EXD3: variants seen among roughly 807,000 people sequenced by gnomAD.
EXD3 encodes the protein exonuclease mut-7 homolog.
In EXD3, 92 loss-of-function variants were observed where a neutral mutation model predicts 98.0. The observed-to-expected ratio is 0.94, with a 90% CI of 0.79 to 1.12. The LOEUF is 1.12. Among genes scored for constraint, EXD3 ranks in the 50% most tolerant of loss-of-function variants. EXD3 has a pLI of 0.00. For synonymous variants in EXD3, 569 were observed against 526.0 expected, an observed-to-expected ratio of 1.08 and a Z score of -1.12; for missense variants, 1,222 against 1,191.6, an observed-to-expected ratio of 1.03 and a Z score of -0.38.
intron 2 of EXD3, among the ~76,000 whole-genome samples, chr9:137,391,327 CCCG>C (rs1172471561): frequency 3.9e-5 from 6 of 152,242 alleles, no homozygotes; most frequent in African/African-American, 1.4e-4. Context: ...TGCCGAGGAA[CCCG>C]TCTGGAGCGT....
Position 137,309,598 on chromosome 9 carries a change from C to A in EXD3, c.2278+9G>T. ...CCCCAGACCCAGTGCCTGACCCTGACACACTCACCTGAGCTCCTGGGCCCC... is the reference window on the plus strand; with the variant it reads ...CCCCAGACCCAGTGCCTGACCCTGAAACACTCACCTGAGCTCCTGGGCCCC... On this transcript the variant is annotated intron_variant, in intron 20 of 21. Transcript: ENST00000340951. 1.3e-6 allele frequency: 2 copies of A among 1,554,416 alleles called. 1 individual carries two copies. Among genetic ancestry groups the A allele is most frequent in the South Asian group, 2.4e-5 (2 of 84,314 alleles).
At position 137,353,841 on chromosome 9, in the gene EXD3, G is replaced by A. The variant is rs778939508; in HGVS notation, c.870+498C>T. The A allele has an allele frequency of 3.3e-4, 324 of 986,544 alleles. 1 individual carries two copies. The Middle Eastern group carries it at 5.2e-3, about 16-fold the overall frequency. 61.1% of individuals were successfully genotyped at this position (986,544 alleles called of 1,614,324 possible). A position where few individuals can be genotyped will look rare whatever the true frequency, so the allele number is the denominator to read the frequency against. Reference sequence around the variant, plus strand: ...GCCTCGAGGAGGGTCCGCCTGCCCCGCTGGCTTCAGGCCCAGCAGCCTGAG... The same window carrying A: ...GCCTCGAGGAGGGTCCGCCTGCCCCACTGGCTTCAGGCCCAGCAGCCTGAG... On this transcript the variant is annotated intron_variant, in intron 10 of 21. Coordinates refer to ENST00000340951, the MANE Select transcript of EXD3 (RefSeq NM_017820.5).
chr9:137,378,078 C>A (rs957250795), intron 3 of EXD3, among the ~76,000 whole-genome samples: 1 of 152,068 alleles, frequency 6.6e-6, no homozygotes, highest in Non-Finnish European at 1.5e-5. Context: ...CAGGCATGAG[C>A]CACTGCACTT....
intron 7 of EXD3, chr9:137,366,040 G>A: frequency 1.5e-6 from 1 of 653,654 alleles, no homozygotes; most frequent in Non-Finnish European, 2.8e-6. Context: ...GCACACACAT[G>A]CACACACATG....
intron 1 of EXD3, among the ~76,000 whole-genome samples, chr9:137,396,819 G>A (rs774449797): frequency 2.0e-5 from 3 of 152,196 alleles, no homozygotes; most frequent in Non-Finnish European, 4.4e-5. Flanking sequence ...CACTGCAAAC[G>A]ACGTAAAACT....
At chr9:137,406,308 G>GAAAAGA (rs376543864) in intron 1 of EXD3, among the ~76,000 whole-genome samples, 5 of 150,142 alleles carry the variant, frequency 3.3e-5, no homozygotes, top group South Asian at 4.2e-4. Context: ...AAAAGAAAAA[G>GAAAAGA]AAAAGAAAAA....
At chr9:137,389,920 G>A (rs904077238) in intron 2 of EXD3, among the ~76,000 whole-genome samples, 4 of 151,660 alleles carry the variant, frequency 2.6e-5, no homozygotes, top group Non-Finnish European at 4.4e-5. Flanking sequence ...TCAGGAGTTC[G>A]AGACCAGCCT....
At position 137,393,305 on chromosome 9, in the gene EXD3, G is replaced by A. The variant is rs891603164; in HGVS notation, c.55+1998C>T. Reference sequence around the variant, plus strand: ...CCATGCGCTCCCCGGCCCTGACGGCGGTCTCCAGGGGAGGTAACAGGGCCT... The same window carrying A: ...CCATGCGCTCCCCGGCCCTGACGGCAGTCTCCAGGGGAGGTAACAGGGCCT... On this transcript the variant is annotated intron_variant, in intron 2 of 21. Coordinates refer to ENST00000340951, the MANE Select transcript of EXD3 (RefSeq NM_017820.5). This position sits in a 1 kb window ranked among gnomAD's most constrained non-coding sequence, Gnocchi z 4.6. The A allele has an allele frequency of 2.7e-5, 19 of 696,040 alleles. No individual in the cohort carries two copies. Among genetic ancestry groups the A allele is most frequent in the South Asian group, 1.3e-4 (9 of 67,236 alleles). The allele number at this position is 696,040 out of a possible 1,614,324, so 43.1% of individuals were successfully genotyped here. A position where few individuals can be genotyped will look rare whatever the true frequency, so the allele number is the denominator to read the frequency against.
intron 1 of EXD3, among the ~76,000 whole-genome samples, chr9:137,409,537 C>G (rs527746505): frequency 2.6e-4 from 40 of 151,968 alleles, no homozygotes; most frequent in African/African-American, 9.2e-4. Flanking sequence ...GGTAACATAG[C>G]GAGACTCTGT....
chr9:137,373,758 G>A (rs1012955710), intron 3 of EXD3, among the ~76,000 whole-genome samples, 159 bp from the exon 4 acceptor site: 5 of 152,208 alleles, frequency 3.3e-5, no homozygotes, highest in South Asian at 2.1e-4. Flanking sequence ...TCATGCCGCC[G>A]TTCTGGTCCG....
At chr9:137,415,529 C>T (rs901820065) in intron 1 of EXD3, among the ~76,000 whole-genome samples, 3 of 152,170 alleles carry the variant, frequency 2.0e-5, no homozygotes, top group South Asian at 2.1e-4. Context: ...CCCTGTTCAC[C>T]GTGTTGGTTT....
chr9:137,334,800 A>C (rs1460937468), intron 17 of EXD3, among the ~76,000 whole-genome samples: 1 of 152,182 alleles, frequency 6.6e-6, no homozygotes, highest in Admixed American at 6.6e-5. Context: ...ACCAGCCCAC[A>C]AGGCCGGTGG....
intron 1 of EXD3, among the ~76,000 whole-genome samples, chr9:137,404,218 G>A (rs1249457930): frequency 6.6e-6 from 1 of 152,200 alleles, no homozygotes; most frequent in Non-Finnish European, 1.5e-5. Context: ...GGCGCCTAGG[G>A]CTTCAACATG....
In EXD3 at chr9:137,371,401, G is replaced by C. The variant is rs1161441982; in HGVS notation, c.462+1504C>G. On this transcript the variant is annotated intron_variant, in intron 5 of 21. Transcript: ENST00000340951. The surrounding 1 kb of genome is among the most constrained non-coding windows in gnomAD (Gnocchi z 8.0). Reference sequence around the variant, plus strand: ...GTGGGGCCCGCGCGGCCCACACAGGGGACACTCCTGTGAGGGCCCGGCCAG... The same window carrying C: ...GTGGGGCCCGCGCGGCCCACACAGGCGACACTCCTGTGAGGGCCCGGCCAG... Among the ~76,000 whole-genome samples the C allele has an allele frequency of 6.6e-6, 1 of 152,058 alleles. No individual in the cohort carries two copies. The highest frequency in any genetic ancestry group is 1.5e-5 in the Non-Finnish European group (1 of 67,958).
chr9:137,381,942 C>G (rs140888296), intron 3 of EXD3, among the ~76,000 whole-genome samples: 1 of 151,130 alleles, frequency 6.6e-6, no homozygotes, highest in South Asian at 2.1e-4. Context: ...GGTGAGAGCA[C>G]GAGGAGGAGG....
At chr9:137,321,591 G>A (rs1175126564) in intron 19 of EXD3, among the ~76,000 whole-genome samples, 5 of 152,186 alleles carry the variant, frequency 3.3e-5, no homozygotes, top group Non-Finnish European at 7.3e-5. Flanking sequence ...CCTGAGGTGG[G>A]AGAATTGCTT....
chr9:137,314,153 G>A (rs988690272), intron 19 of EXD3, among the ~76,000 whole-genome samples: 3 of 152,166 alleles, frequency 2.0e-5, no homozygotes, highest in African/African-American at 4.8e-5. Flanking sequence ...GCGAGCCAGC[G>A]GCCCAGGAAG....
chr9:137,402,279 G>A (rs1245673468), intron 1 of EXD3, among the ~76,000 whole-genome samples: 1 of 152,220 alleles, frequency 6.6e-6, no homozygotes, highest in East Asian at 1.9e-4. Context: ...CTCCCAAAGT[G>A]TGGGGATTAC....
chr9:137,417,356 C>T (rs1838286343), intron 1 of EXD3, among the ~76,000 whole-genome samples: 2 of 152,140 alleles, frequency 1.3e-5, no homozygotes, highest in African/African-American at 4.8e-5. Flanking sequence ...GAAGCGAGCG[C>T]GCCCGCAGAG....
Sources: gnomAD v4.1 joint callset for allele counts (sites outside exome capture counted in the v4.1 genomes callset) on GRCh38, gnomAD v4.1.1 for gene constraint, Gnocchi (gnomAD v3.1) non-coding constraint, MANE v1.5 for transcripts, NCBI Gene and HGNC (gene_info 2026-07-23, HGNC 2026-07-21) for gene names.